The following CFAP299 variants were observed in gnomAD, a reference collection of about 807,000 sequenced individuals.
CFAP299 encodes cilia and flagella associated protein 299, also known as cilia- and flagella-associated protein 299.
In CFAP299, 21 loss-of-function variants were observed where a neutral mutation model predicts 27.0. That is an observed-to-expected ratio of 0.78 (90% CI 0.55 to 1.12). The LOEUF (loss-of-function observed/expected upper bound fraction) is 1.12. Among genes scored for constraint, CFAP299 ranks in the 50% most tolerant of loss-of-function variants. The pLI, the probability that CFAP299 is intolerant of heterozygous loss-of-function variation, is 0.00. For missense variants in CFAP299, 310 were observed against 276.6 expected (o/e 1.12, Z -0.86); for synonymous variants, 104 against 98.1 (o/e 1.06, Z -0.36).
intron 2 of CFAP299, among the ~76,000 whole-genome samples, chr4:80,483,347 TAGC>T (rs1730658078): frequency 6.6e-6 from 1 of 152,236 alleles, no homozygotes; most frequent in African/African-American, 2.4e-5. Context: ...TTTATTATAA[TAGC>T]AGGAGAAAAC....
intron 3 of CFAP299, among the ~76,000 whole-genome samples, chr4:80,818,669 T>A (rs2110122389): frequency 6.6e-6 from 1 of 152,250 alleles, no homozygotes; most frequent in South Asian, 2.1e-4. Context: ...GAATGTATAA[T>A]AATTTTATGA....
intron 2 of CFAP299, among the ~76,000 whole-genome samples, chr4:80,458,342 C>T (rs1009186134): frequency 8.5e-5 from 13 of 152,158 alleles, no homozygotes; most frequent in African/African-American, 2.9e-4. Flanking sequence ...GCGGCGCATG[C>T]CAAATGCCAG....
rs928869001 is a variant in CFAP299 at position 80,936,975 on chromosome 4, A to G, written c.477-7835A>G. On this transcript the variant is annotated intron_variant, in intron 4 of 5. Transcript: ENST00000358105. The stretch of plus-strand genomic sequence containing the variant: ...TATCTGTTAGGTCCCTTTGTACTAT[A>G]GTGTTCTTCAAATCCTCTGTATTTT... Among the ~76,000 whole-genome samples the G allele has an allele frequency of 2.0e-5, 3 of 151,976 alleles. No individual in the cohort carries two copies. The East Asian group carries it at 5.8e-4, about 29-fold the overall frequency.
intron 3 of CFAP299, among the ~76,000 whole-genome samples, chr4:80,759,040 T>TACATTATACATATTTAAAACA (rs1725409162): frequency 6.6e-6 from 1 of 152,192 alleles, no homozygotes; most frequent in South Asian, 2.1e-4. Flanking sequence ...ATTTAAAACA[T>TACATTATACATATTTAAAACA]TACAATATAT....
chr4:80,333,610 A>T (rs79003148), upstream of CFAP299, among the ~76,000 whole-genome samples: 1 of 152,148 alleles, frequency 6.6e-6, no homozygotes, highest in Admixed American at 6.6e-5. Context: ...TTTTTAATAT[A>T]CTTCCACCAA....
At chr4:80,579,470 G>A (rs1003668638) in intron 2 of CFAP299, among the ~76,000 whole-genome samples, 2 of 152,066 alleles carry the variant, frequency 1.3e-5, no homozygotes, top group African/African-American at 4.8e-5. Flanking sequence ...TAAGTGTCCA[G>A]GGACAGTAAG....
At chr4:80,898,802 TG>T (rs1303786574) in intron 4 of CFAP299, among the ~76,000 whole-genome samples, 2 of 152,064 alleles carry the variant, frequency 1.3e-5, no homozygotes, top group Admixed American at 6.5e-5. Flanking sequence ...GTAAATTAAA[TG>T]ACTTAAACAA....
intron 1 of CFAP299, among the ~76,000 whole-genome samples, chr4:80,356,518 T>A (rs1723287626): frequency 6.6e-6 from 1 of 152,156 alleles, no homozygotes; most frequent in Non-Finnish European, 1.5e-5. Context: ...CCTTGAGCAG[T>A]GGTTTGTAGT....
intron 2 of CFAP299, among the ~76,000 whole-genome samples, chr4:80,444,694 T>G (rs935038275): frequency 2.6e-5 from 4 of 152,128 alleles, no homozygotes; most frequent in African/African-American, 9.7e-5. Flanking sequence ...CTAATTAAAC[T>G]AAAGAGCTTC....
chr4:80,943,567 T>C (rs891874416), intron 4 of CFAP299, among the ~76,000 whole-genome samples: 12 of 152,156 alleles, frequency 7.9e-5, no homozygotes, highest in African/African-American at 2.9e-4. Flanking sequence ...ACCATCATTT[T>C]AAAAGCAAAT....
intron 3 of CFAP299, among the ~76,000 whole-genome samples, chr4:80,765,367 C>T (rs1198768641): frequency 6.6e-6 from 1 of 151,964 alleles, no homozygotes; most frequent in Non-Finnish European, 1.5e-5. Context: ...TATACTAAGC[C>T]TCTTTCAAAA....
At chr4:80,699,975 G>A (rs1721368177) in intron 3 of CFAP299, among the ~76,000 whole-genome samples, 4 of 152,106 alleles carry the variant, frequency 2.6e-5, no homozygotes, top group African/African-American at 7.2e-5. Flanking sequence ...ATAACTAGAA[G>A]CAAAGAGTAT....
At chr4:80,821,434 T>G (rs970636499) in intron 3 of CFAP299, among the ~76,000 whole-genome samples, 2 of 152,140 alleles carry the variant, frequency 1.3e-5, no homozygotes, top group Non-Finnish European at 2.9e-5. Context: ...GGAAAACGAA[T>G]TATACAAACA....
chr4:80,689,015 A>G (rs1029461632), intron 3 of CFAP299, among the ~76,000 whole-genome samples: 4 of 152,260 alleles, frequency 2.6e-5, no homozygotes, highest in African/African-American at 9.6e-5. Context: ...AGAAACGAGC[A>G]AAGCCTCCAA....
chr4:80,920,539 A>G (rs1735993605), intron 4 of CFAP299, among the ~76,000 whole-genome samples: 1 of 152,064 alleles, frequency 6.6e-6, no homozygotes, highest in Non-Finnish European at 1.5e-5. Flanking sequence ...TCCTTCTCCT[A>G]CTTTCCTTCT....
chr4:80,869,316 C>A (rs530064376), intron 3 of CFAP299, among the ~76,000 whole-genome samples: 73 of 152,188 alleles, frequency 4.8e-4, no homozygotes, highest in Non-Finnish European at 5.7e-4. Flanking sequence ...GGATATATAA[C>A]TAATCCATCA....
At chr4:80,460,090 A>G (rs1435372099) in intron 2 of CFAP299, among the ~76,000 whole-genome samples, 2 of 152,150 alleles carry the variant, frequency 1.3e-5, no homozygotes, top group Non-Finnish European at 2.9e-5. Context: ...AGAGAGAAGA[A>G]GAGAGGCCTT....
intron 3 of CFAP299, among the ~76,000 whole-genome samples, chr4:80,758,449 G>C (rs1282391173): frequency 6.6e-6 from 1 of 152,128 alleles, no homozygotes. Context: ...CATAGGATGG[G>C]GGGAAGGGAG....
chr4:80,911,615 G>C (rs147786071), intron 4 of CFAP299, among the ~76,000 whole-genome samples: 2 of 152,018 alleles, frequency 1.3e-5, no homozygotes, highest in Non-Finnish European at 2.9e-5. Flanking sequence ...GAAAAAATCT[G>C]GCTGGAATAA....
Sources: gnomAD v4.1 joint callset for allele counts (sites outside exome capture counted in the v4.1 genomes callset) on GRCh38, gnomAD v4.1.1 for gene constraint, MANE v1.5 for transcripts, NCBI Gene and HGNC (gene_info 2026-07-23, HGNC 2026-07-21) for gene names.